The following MSI2 variants were observed in gnomAD, a reference collection of about 807,000 sequenced individuals.
MSI2 encodes RNA-binding protein Musashi homolog 2.
MSI2 carries 17 observed loss-of-function variants against 45.6 expected under a neutral mutation model. That is an observed-to-expected ratio of 0.37 (90% confidence interval 0.26 to 0.56). MSI2 has a LOEUF of 0.56. Among genes scored for constraint, MSI2 ranks in the 20% least tolerant of loss-of-function variants. MSI2 has a pLI of 0.77. For missense variants in MSI2, 293 were observed against 444.2 expected, an observed-to-expected ratio of 0.66 and a Z score of 3.06; for synonymous variants, 156 against 158.2, an observed-to-expected ratio of 0.99 and a Z score of 0.11.
chr17:57,562,362 G>C (rs1194718876), intron 7 of MSI2, among the ~76,000 whole-genome samples: 1 of 152,242 alleles, frequency 6.6e-6, no homozygotes, highest in Non-Finnish European at 1.5e-5. Context: ...ATACACAGAG[G>C]AAGCATTCTT....
At chr17:57,334,636 A>C (rs998264686) in intron 5 of MSI2, among the ~76,000 whole-genome samples, 1 of 152,162 alleles carries the variant, frequency 6.6e-6, no homozygotes, top group Admixed American at 6.5e-5. Context: ...TCTACTAAAA[A>C]TACAAAAATT....
At chr17:57,513,366 C>T (rs1400536561) in intron 6 of MSI2, among the ~76,000 whole-genome samples, 1 of 152,162 alleles carries the variant, frequency 6.6e-6, no homozygotes, top group Non-Finnish European at 1.5e-5. Flanking sequence ...GAGTAATCTG[C>T]CCAATGTCAC....
At chr17:57,483,084 C>T (rs2085680057) in intron 6 of MSI2, among the ~76,000 whole-genome samples, 1 of 152,110 alleles carries the variant, frequency 6.6e-6, no homozygotes, top group Non-Finnish European at 1.5e-5. Flanking sequence ...TTAATTTCTG[C>T]TTTTGGCTTC....
intron 7 of MSI2, among the ~76,000 whole-genome samples, chr17:57,538,141 G>A (rs2086960542): frequency 6.6e-6 from 1 of 152,052 alleles, no homozygotes; most frequent in South Asian, 2.1e-4. Context: ...AGGGCAGAGT[G>A]TGGAGATCTG....
In MSI2 at chr17:57,529,145, A is replaced by G. The variant is rs2086767177; in HGVS notation, c.406-531A>G. On this transcript the variant is annotated intron_variant, in intron 6 of 13. Transcript: ENST00000284073. The surrounding 1 kb of genome is among the most constrained non-coding windows in gnomAD (Gnocchi z 5.3). ...TAGTTTTTTCTTTCTTTAGAAAAAA[A>G]ATACTCCAGGCCTGGAGCAGTGGCT... Among the ~76,000 whole-genome samples the G allele has an allele frequency of 6.6e-6, 1 of 152,184 alleles. No individual in the cohort carries two copies. The highest frequency in any genetic ancestry group is 1.5e-5 in the Non-Finnish European group (1 of 68,034).
At chr17:57,435,698 G>A (rs2084679087) in intron 6 of MSI2, among the ~76,000 whole-genome samples, 1 of 151,902 alleles carries the variant, frequency 6.6e-6, no homozygotes, top group East Asian at 1.9e-4. Context: ...CCCCAGCCAG[G>A]GAGGGCCTCA....
intron 8 of MSI2, among the ~76,000 whole-genome samples, chr17:57,612,166 A>G (rs114994305): frequency 0.022 from 2,136 of 95,306 alleles, 689 homozygotes; most frequent in African/African-American, 0.058. Context: ...AGAGGCTAAC[A>G]AGTGCAGAAG....
chr17:57,386,053 C>T (rs2083680913), intron 5 of MSI2, among the ~76,000 whole-genome samples: 1 of 152,212 alleles, frequency 6.6e-6, no homozygotes, highest in Non-Finnish European at 1.5e-5. Flanking sequence ...CCAGTGGTTT[C>T]TGGCCCTTCC....
rs973023901 is a variant in MSI2, at chr17:57,407,619, G to A, written c.405+6148G>A. Among the ~76,000 whole-genome samples, 3 of 152,092 alleles carry A rather than the reference G, an allele frequency of 2.0e-5. No individual in the cohort carries two copies. Among genetic ancestry groups the A allele is most frequent in the Admixed American group, 6.6e-5 (1 of 15,262 alleles). ...AGTGGTTCATGTAGGTGGGTTGCCC[G>A]GGGAGTGGTCAGCCTCCCGGGCCTC... On this transcript the variant is annotated intron_variant, in intron 6 of 13. Transcript: ENST00000284073. This position sits in a 1 kb window ranked among gnomAD's most constrained non-coding sequence, Gnocchi z 4.1.
At chr17:57,301,285 C>T (rs1164243244) in intron 5 of MSI2, among the ~76,000 whole-genome samples, 1 of 152,202 alleles carries the variant, frequency 6.6e-6, no homozygotes, top group Non-Finnish European at 1.5e-5. Context: ...ACTGAGCACC[C>T]TTAAGAAGTA....
chr17:57,403,937 A>G (rs922518048), intron 6 of MSI2, among the ~76,000 whole-genome samples: 12 of 82,032 alleles, frequency 1.5e-4, no homozygotes, highest in African/African-American at 3.1e-4. Context: ...GAATGTGCAC[A>G]CACACACACA....
intron 6 of MSI2, among the ~76,000 whole-genome samples, chr17:57,408,308 C>A (rs781557936): frequency 6.6e-5 from 10 of 152,170 alleles, no homozygotes; most frequent in Non-Finnish European, 1.5e-4. Context: ...ATTATTATTG[C>A]TCGTTAACAG....
intron 5 of MSI2, among the ~76,000 whole-genome samples, chr17:57,307,513 C>G (rs1315336366): frequency 1.3e-5 from 2 of 151,916 alleles, no homozygotes; most frequent in Non-Finnish European, 2.9e-5. Flanking sequence ...CAACCTCCAC[C>G]TCCTGGGTTC....
intron 7 of MSI2, among the ~76,000 whole-genome samples, chr17:57,551,245 A>T (rs2087296883): frequency 6.6e-6 from 1 of 152,132 alleles, no homozygotes; most frequent in Non-Finnish European, 1.5e-5. Flanking sequence ...TATGTCTCAG[A>T]CTAAATAAGG....
intron 5 of MSI2, among the ~76,000 whole-genome samples, chr17:57,311,676 A>G (rs1453271131): frequency 3.3e-5 from 5 of 152,152 alleles, no homozygotes; most frequent in Non-Finnish European, 7.3e-5. Flanking sequence ...TTAGCTGCCC[A>G]AGTAGCTGAG....
chr17:57,442,286 C>T lies in MSI2; in HGVS notation c.405+40815C>T, dbSNP rs186462327. ...TCTTGACCTTGTGATCTGCCCGCCT[C>T]AGCCTCCCAAAGTGCTGGGATTACA... On this transcript the variant is annotated intron_variant, in intron 6 of 13. Transcript: ENST00000284073. Among the ~76,000 whole-genome samples the T allele has an allele frequency of 6.2e-4, 94 of 152,320 alleles. 1 individual carries two copies. Among genetic ancestry groups the T allele is most frequent in the African/African-American group, 2.1e-3 (89 of 41,572 alleles).
At chr17:57,319,703 C>G (rs772364511) in intron 5 of MSI2, among the ~76,000 whole-genome samples, 17 of 152,186 alleles carry the variant, frequency 1.1e-4, no homozygotes, top group Non-Finnish European at 2.4e-4. Context: ...GCCTCGACTT[C>G]TGGGGCTTGA....
chr17:57,381,192 C>T (rs1365920090), intron 5 of MSI2, among the ~76,000 whole-genome samples: 2 of 152,110 alleles, frequency 1.3e-5, no homozygotes, highest in East Asian at 3.8e-4. Flanking sequence ...CTCAGCCTCC[C>T]TAGTAGCTGG....
At chr17:57,592,728 G>C (rs1453491648) in intron 7 of MSI2, among the ~76,000 whole-genome samples, 1 of 152,172 alleles carries the variant, frequency 6.6e-6, no homozygotes, top group African/African-American at 2.4e-5. Flanking sequence ...GAGAATATCA[G>C]AGTCAGAATT....
Sources: gnomAD v4.1 joint callset for allele counts (sites outside exome capture counted in the v4.1 genomes callset) on GRCh38, gnomAD v4.1.1 for gene constraint, Gnocchi (gnomAD v3.1) non-coding constraint, MANE v1.5 for transcripts, NCBI Gene and HGNC (gene_info 2026-07-23, HGNC 2026-07-21) for gene names.